PGAP1: variants seen among roughly 807,000 people sequenced by gnomAD.
PGAP1 encodes post-GPI attachment to proteins inositol deacylase 1.
A neutral mutation model predicts 127.0 loss-of-function variants in PGAP1; 76 were observed. The observed-to-expected ratio is 0.60, with a 90% CI of 0.50 to 0.72. PGAP1 has a LOEUF of 0.72. Ranked by LOEUF, PGAP1 falls within the 30% of genes least tolerant of loss-of-function variation. The probability of loss-of-function intolerance (pLI) is 0.00; values close to 1 mark genes in which losing one functional copy is unlikely to be tolerated. For missense variants in PGAP1, 982 were observed against 1,071.3 expected, an observed-to-expected ratio of 0.92 and a Z score of 1.16; for synonymous variants, 362 against 366.5, an observed-to-expected ratio of 0.99 and a Z score of 0.14.
intron 10 of PGAP1, among the ~76,000 whole-genome samples, chr2:196,888,711 ATAAACT>A (rs1258225825): frequency 2.0e-5 from 3 of 152,208 alleles, no homozygotes; most frequent in Non-Finnish European, 4.4e-5. Flanking sequence ...CCTGATTCAG[ATAAACT>A]TAAAATTTAA....
chr2:196,847,949 C>A lies in PGAP1; in HGVS notation c.1950G>T (p.Leu650Phe). 6.4e-7 allele frequency: 1 copy of A among 1,568,288 alleles called. No homozygotes were observed. Among genetic ancestry groups the A allele is most frequent in the South Asian group, 1.2e-5 (1 of 82,880 alleles). ...DPFVIIIKFLLGYKWFKELWD... is the reference protein window; with the variant it reads ...DPFVIIIKFLFGYKWFKELWD... ...TTATCACAGATAATAAAACTTACCC[C>A]AACAGAAACTTAATGATAATTACAA... Residue 650 changes from leucine to phenylalanine, a missense_variant and splice_region_variant, in exon 21 of 27, where the codon TTG becomes TTT. By Grantham distance (22) the Leu-to-Phe change is conservative. Transcript: ENST00000354764.
chr2:196,914,371 A>G (rs1489531795), intron 3 of PGAP1, among the ~76,000 whole-genome samples: 1 of 152,206 alleles, frequency 6.6e-6, no homozygotes, highest in Non-Finnish European at 1.5e-5. Flanking sequence ...CTGTAATCCC[A>G]GCACTTTAGG....
chr2:196,853,037 T>C (rs1243703525), intron 20 of PGAP1, among the ~76,000 whole-genome samples: 1 of 152,258 alleles, frequency 6.6e-6, no homozygotes, highest in Admixed American at 6.5e-5. Flanking sequence ...GTCCCCTATG[T>C]AGAAGCAGCA....
intron 10 of PGAP1, among the ~76,000 whole-genome samples, chr2:196,886,726 T>C (rs1701921367): frequency 1.3e-5 from 2 of 151,646 alleles, no homozygotes; most frequent in Admixed American, 6.6e-5. Context: ...TGAGACAGAG[T>C]CTTGCTCTGT....
In PGAP1 at chr2:196,926,524, G is replaced by A. The variant is rs1703366323; in HGVS notation, c.93C>T (p.Gly31=). 6.2e-7 allele frequency: 1 copy of A among 1,614,184 alleles called. No homozygotes were observed. The highest frequency in any genetic ancestry group is 8.5e-7 in the Non-Finnish European group (1 of 1,180,022). ...TCATACTGCACTTATTCTCCTCGAA[G>A]CCGAAGAAGACATCCCACAGCCCCA... ...ATLGLWDVFF[G]FEENKCSMSY... The change falls in exon 1 of 27, where the codon GGC becomes GGT. Residue 31 remains glycine, a synonymous_variant. Transcript: ENST00000354764.
chr2:196,886,920 T>A (rs971654040), intron 10 of PGAP1, among the ~76,000 whole-genome samples: 2 of 151,794 alleles, frequency 1.3e-5, no homozygotes, highest in African/African-American at 4.8e-5. Context: ...ATGGTCTCCA[T>A]CTCTTGACCT....
chr2:196,839,426 CTCTT>C lies in PGAP1; in HGVS notation c.*1804_*1807del, dbSNP rs1700343553. 6.6e-6 allele frequency: 1 copy of C among 152,236 alleles called. No homozygotes were observed. The highest frequency in any genetic ancestry group is 6.5e-5 in the Admixed American group (1 of 15,284). The allele number at this position is 152,236 out of a possible 1,614,324, so 9.4% of individuals were successfully genotyped here. A position where few individuals can be genotyped will look rare whatever the true frequency, so the allele number is the denominator to read the frequency against. On this transcript the variant is annotated 3_prime_UTR_variant, in exon 27 of 27. Coordinates refer to ENST00000354764, the MANE Select transcript of PGAP1 (RefSeq NM_024989.4). ...AAGTATATAATCTAATAAATTCTCT[CTCTT>C]TCCTCTCCAGCTGAAACATATAGCA... is the stretch of plus-strand genomic sequence containing the variant.
At chr2:196,922,859 A>AT (rs560941460) in intron 1 of PGAP1, among the ~76,000 whole-genome samples, 17 of 146,006 alleles carry the variant, frequency 1.2e-4, no homozygotes, top group African/African-American at 2.3e-4. Context: ...AATTTTTTGA[A>AT]TTTTTTTTTT....
intron 7 of PGAP1, among the ~76,000 whole-genome samples, chr2:196,895,298 T>G (rs1239565244): frequency 1.3e-5 from 2 of 152,236 alleles, no homozygotes; most frequent in African/African-American, 4.8e-5. Flanking sequence ...TGAAATTAGT[T>G]TTATGTCCAA....
In PGAP1 at chr2:196,841,386, G is replaced by T. The variant is rs950599179; in HGVS notation, c.2631-14C>A. The T allele has an allele frequency of 2.5e-6, 4 of 1,604,536 alleles. No individual in the cohort carries two copies. The highest frequency in any genetic ancestry group is 1.7e-5 in the Admixed American group (1 of 59,200). ...TTCAACAATTTACTGTAAAGAGACAGAGAAATATACATTACTTATGTGAAC... is the reference window on the plus strand; with the variant it reads ...TTCAACAATTTACTGTAAAGAGACATAGAAATATACATTACTTATGTGAAC... On this transcript the variant is annotated splice_polypyrimidine_tract_variant and intron_variant, in intron 26 of 26. Transcript: ENST00000354764.
intron 4 of PGAP1, among the ~76,000 whole-genome samples, chr2:196,905,779 C>T (rs1247838985): frequency 7.0e-6 from 1 of 143,770 alleles, no homozygotes; most frequent in Non-Finnish European, 1.5e-5. Context: ...CGAGGCATTG[C>T]CTCACCTGGG....
intron 20 of PGAP1, among the ~76,000 whole-genome samples, chr2:196,862,936 A>G (rs1375125667): frequency 6.6e-6 from 1 of 152,146 alleles, no homozygotes; most frequent in Non-Finnish European, 1.5e-5. Flanking sequence ...AAAAAGACAT[A>G]CCAATGGCCA....
chr2:196,847,352 A>G (rs1700586795), intron 21 of PGAP1, 152 bp from the exon 22 acceptor site: 2 of 575,002 alleles, frequency 3.5e-6, no homozygotes, highest in Middle Eastern at 4.7e-4. Context: ...AATTCTTTGT[A>G]TGGAACAAGT....
At chr2:196,865,313 A>G (rs11687853) in intron 19 of PGAP1, among the ~76,000 whole-genome samples, 166 of 152,322 alleles carry the variant, frequency 1.1e-3, no homozygotes, top group Admixed American at 2.1e-3. Context: ...TGAGTAGCAT[A>G]TATGTCCTGA....
intron 5 of PGAP1, among the ~76,000 whole-genome samples, chr2:196,899,209 C>T (rs897540426): frequency 1.3e-5 from 2 of 151,988 alleles, no homozygotes; most frequent in Non-Finnish European, 2.9e-5. Context: ...ACTGTCAAAA[C>T]CAAATGAAAA....
intron 23 of PGAP1, 87 bp downstream of exon 23, chr2:196,845,795 A>G: frequency 2.5e-6 from 3 of 1,181,942 alleles, no homozygotes; most frequent in Non-Finnish European, 3.4e-6. Flanking sequence ...GTTTATGAGA[A>G]TTTTTGTTAA....
At chr2:196,877,540 GA>G (rs1412818327) in intron 13 of PGAP1, 4 of 152,078 alleles carry the variant, frequency 2.6e-5, no homozygotes, top group Non-Finnish European at 4.4e-5. Context: ...TCAAGTTTGA[GA>G]AAAATGTTAG....
chr2:196,852,785 T>C (rs1359115951), intron 20 of PGAP1, among the ~76,000 whole-genome samples: 2 of 152,154 alleles, frequency 1.3e-5, no homozygotes, highest in Non-Finnish European at 1.5e-5. Flanking sequence ...GAACAACTTA[T>C]GTGATCCATT....
In PGAP1 at chr2:196,865,058, G is replaced by A. The variant is rs781633255; in HGVS notation, c.1790C>T (p.Ala597Val). 1.3e-6 allele frequency: 2 copies of A among 1,564,186 alleles called. No individual in the cohort carries two copies. The highest frequency in any genetic ancestry group is 2.5e-5 in the South Asian group (2 of 80,100). The change falls in exon 20 of 27, where the codon GCT becomes GTT. Residue 597 changes from alanine (A) to valine (V), a missense_variant. Ala to Val is a moderately conservative substitution (Grantham distance 64). Transcript: ENST00000354764. ...ATTAGATACGACATAAGCAGGAAGA[G>A]CTCCACCATGAAATCTAACTACCTA... The part of the protein sequence containing the change: ...LGQVVRFHGG[A>V]LPAYVVSNIL...
Sources: gnomAD v4.1 joint callset for allele counts (sites outside exome capture counted in the v4.1 genomes callset) on GRCh38, gnomAD v4.1.1 for gene constraint, MANE v1.5 for transcripts, NCBI Gene and HGNC (gene_info 2026-07-23, HGNC 2026-07-21) for gene names.